PADI6: variants seen among roughly 807,000 people sequenced by gnomAD.
PADI6 encodes the protein peptidyl arginine deiminase 6, also known as inactive protein-arginine deiminase type-6.
Under a neutral mutation model 78.2 loss-of-function variants are expected in PADI6, and 66 were observed. The ratio of observed to expected loss-of-function variants is 0.84; its 90% confidence interval spans 0.69 to 1.04. The LOEUF (loss-of-function observed/expected upper bound fraction) is 1.04, where lower values mean the gene tolerates loss of function less well. Ranked by LOEUF, PADI6 falls within the 50% of genes least tolerant of loss-of-function variation. PADI6 has a pLI of 0.00. For synonymous variants in PADI6, 397 were observed against 346.9 expected (o/e 1.14, Z -1.60); for missense variants, 854 against 866.1 (o/e 0.99, Z 0.18).
chr1:17,394,380 G>A lies in PADI6; in HGVS notation c.1263G>A (p.Val421=), dbSNP rs777110271. 6.2e-7 allele frequency: 1 copy of A among 1,613,724 alleles called. No individual in the cohort carries two copies. The highest frequency in any genetic ancestry group is 8.5e-7 in the Non-Finnish European group (1 of 1,179,792). Residue 421 remains valine (V), a synonymous_variant, in exon 11 of 16, where the codon GTG becomes GTA. Transcript: ENST00000619609. The part of the protein sequence containing the change: ...ASMDSIGNLM[V]SPPVKVQGKE... ...TGGATTCCATTGGGAACCTGATGGTGTCCCCACCTGTCAAGGTCCAAGGGA... is the reference window on the plus strand; with the variant it reads ...TGGATTCCATTGGGAACCTGATGGTATCCCCACCTGTCAAGGTCCAAGGGA...
At chr1:17,388,980 T>C (rs2800688) in intron 8 of PADI6, 100 bp downstream of exon 8, 243,215 of 881,062 alleles carry the variant, frequency 0.28, 35,179 homozygotes, top group African/African-American at 0.37. Flanking sequence ...CTAGGACCTC[T>C]CACCAGGAGA....
intron 8 of PADI6, among the ~76,000 whole-genome samples, 174 bp from the exon 9 acceptor site, chr1:17,391,938 GCT>G (rs1279424518): frequency 6.6e-6 from 1 of 152,256 alleles, no homozygotes; most frequent in African/African-American, 2.4e-5. Context: ...GACAAGATGG[GCT>G]CTGAGCTTCT....
At chr1:17,401,142 G>A in intron 15 of PADI6, 63 bp from the exon 16 acceptor site, 1 of 1,495,378 alleles carries the variant, frequency 6.7e-7, no homozygotes, top group Non-Finnish European at 9.2e-7. Flanking sequence ...AGAGGCAGGT[G>A]GGCGGCTGGC....
intron 3 of PADI6, 105 bp from the exon 4 acceptor site, chr1:17,379,815 A>G (rs967080522): frequency 6.6e-6 from 6 of 904,364 alleles, no homozygotes; most frequent in Admixed American, 4.3e-5. Context: ...GAAAGGCTAG[A>G]TGCCCTGATG....
chr1:17,395,380 T>C (rs2075236359), intron 12 of PADI6, among the ~76,000 whole-genome samples, 160 bp from the exon 13 acceptor site: 1 of 152,052 alleles, frequency 6.6e-6, no homozygotes, highest in Non-Finnish European at 1.5e-5. Context: ...ATTTTTGTAT[T>C]TTTAGTAGAG....
At position 17,388,476 on chromosome 1, in the gene PADI6, G is replaced by A. The variant is rs74834315; in HGVS notation, c.775G>A (p.Val259Ile). Residue 259 changes from valine to isoleucine, a missense_variant, in exon 7 of 16, where the codon GTT becomes ATT. Transcript: ENST00000619609. ...LGNHLKETFY[V>I]EAIAFPSAEF... ...GAACCACTTGAAGGAGACTTTCTAC[G>A]TTGAAGCTATAGCATTCCCATCTGC... 7.2e-3 allele frequency: 11,552 copies of A among 1,613,562 alleles called. 469 individuals carry two copies. The Admixed American group carries it at 0.095, about 13-fold the overall frequency.
rs183813683 is a variant in PADI6, at chr1:17,388,333, G to A, written c.680-48G>A. 7.0e-5 allele frequency: 106 copies of A among 1,508,480 alleles called. No homozygotes were observed. In the African/African-American group the frequency reaches 1.1e-3, roughly 16 times the overall value. The allele number at this position is 1,508,480 out of a possible 1,614,324, so 93.4% of individuals were successfully genotyped here. A position where few individuals can be genotyped will look rare whatever the true frequency, so the allele number is the denominator to read the frequency against. On this transcript the variant is annotated intron_variant, in intron 6 of 15. Coordinates refer to ENST00000619609, the MANE Select transcript of PADI6 (RefSeq NM_207421.4). The stretch of plus-strand genomic sequence containing the variant: ...GGTACCTTGACCATCAAATGTGACC[G>A]GCACCAGGTTACTTCAGTGGCTGGT...
rs1327497975 is a variant in PADI6, at chr1:17,388,676, G to A, written c.859-101G>A. On this transcript the variant is annotated intron_variant, in intron 7 of 15. Coordinates refer to ENST00000619609, the MANE Select transcript of PADI6 (RefSeq NM_207421.4). ...GGGGGAGAGCTGCAGAAGGCAAGTG[G>A]GGCCCAGCTGGGGGCCGGACTGAAC... The A allele has an allele frequency of 2.7e-6, 4 of 1,454,880 alleles. No individual in the cohort carries two copies. In the East Asian group the frequency reaches 7.2e-5, roughly 26 times the overall value. The allele number at this position is 1,454,880 out of a possible 1,614,324, so 90.1% of individuals were successfully genotyped here. A position where few individuals can be genotyped will look rare whatever the true frequency, so the allele number is the denominator to read the frequency against.
chr1:17,379,082 C>CT (rs1458934518), intron 3 of PADI6, among the ~76,000 whole-genome samples: 1 of 148,856 alleles, frequency 6.7e-6, no homozygotes, highest in East Asian at 2.0e-4. Flanking sequence ...GAGGCTGGGA[C>CT]TACAGGTACC....
In PADI6 at chr1:17,392,847, G is replaced by A. The variant is rs181714207; in HGVS notation, c.1074+622G>A. On this transcript the variant is annotated intron_variant, in intron 9 of 15. Coordinates refer to ENST00000619609, the MANE Select transcript of PADI6 (RefSeq NM_207421.4). ...GGCCATGCAGAGATTTGGGGCAGGGGTGGCCAGGATTAAAAGGAGTTCCTG... is the reference window on the plus strand; with the variant it reads ...GGCCATGCAGAGATTTGGGGCAGGGATGGCCAGGATTAAAAGGAGTTCCTG... Among the ~76,000 whole-genome samples the A allele has an allele frequency of 6.9e-3, 1,050 of 152,260 alleles. 12 individuals carry two copies. Among genetic ancestry groups the A allele is most frequent in the African/African-American group, 0.024 (1,006 of 41,540 alleles).
intron 1 of PADI6, 23 bp downstream of exon 1, chr1:17,372,384 A>G (rs1315161999): frequency 2.5e-6 from 4 of 1,609,302 alleles, no homozygotes; most frequent in East Asian, 4.5e-5. Flanking sequence ...GAGCTCTGCC[A>G]GAGGTGGCAG....
intron 6 of PADI6, among the ~76,000 whole-genome samples, chr1:17,383,471 G>A (rs2100299743): frequency 6.6e-6 from 1 of 152,342 alleles, no homozygotes; most frequent in East Asian, 1.9e-4. Context: ...GGCAGGCCTT[G>A]GAGTCCGCCG....
intron 3 of PADI6, among the ~76,000 whole-genome samples, chr1:17,376,598 C>T (rs1305480371): frequency 6.6e-6 from 1 of 150,722 alleles, no homozygotes; most frequent in African/African-American, 2.4e-5. Flanking sequence ...CGGGATTTCA[C>T]TGTGTTGGCC....
intron 2 of PADI6, 80 bp downstream of exon 2, chr1:17,373,313 G>C: frequency 2.0e-6 from 3 of 1,502,060 alleles, no homozygotes; most frequent in Non-Finnish European, 2.7e-6. Flanking sequence ...CCTGGCTGCA[G>C]ACGTGACTCG....
intron 6 of PADI6, among the ~76,000 whole-genome samples, 154 bp from the exon 7 acceptor site, chr1:17,388,227 C>T (rs978565354): frequency 3.3e-5 from 5 of 152,226 alleles, no homozygotes; most frequent in African/African-American, 9.6e-5. Context: ...GACCTGAATG[C>T]TAGAAACGGG....
intron 3 of PADI6, among the ~76,000 whole-genome samples, chr1:17,376,466 ATTT>A (rs549451529): frequency 2.0e-5 from 3 of 151,030 alleles, no homozygotes; most frequent in Non-Finnish European, 4.4e-5. Context: ...TGCCCGGCTA[ATTT>A]TTTTTTATTT....
chr1:17,401,568 C>T lies in PADI6; in HGVS notation c.*130C>T. The T allele has an allele frequency of 2.4e-6, 2 of 845,128 alleles. No individual in the cohort carries two copies. The highest frequency in any genetic ancestry group is 3.6e-5 in the South Asian group (2 of 55,994). The allele number at this position is 845,128 out of a possible 1,614,324, so 52.4% of individuals were successfully genotyped here. ...AACAGAACCCTTTCTTCCCTGTCTG[C>T]CCCGACCGACCCTCGGACCCAGTAG... On this transcript the variant is annotated 3_prime_UTR_variant, in exon 16 of 16. Transcript: ENST00000619609.
rs2074980875 is a variant in PADI6 at position 17,373,216 on chromosome 1, T to C, written c.277T>C (p.Ser93Pro). Residue 93 changes from serine to proline, a missense_variant, in exon 2 of 16, where the codon TCC becomes CCC. Physicochemically the swap from Ser to Pro is moderately conservative, Grantham distance 74 (BLOSUM62 -1). Coordinates refer to ENST00000619609, the MANE Select transcript of PADI6 (RefSeq NM_207421.4). ...AGTGAAGATGACATCGCCCAGCCCT[T>C]CCGTGGATGCGGATAAGGTAAGCCT... is the stretch of plus-strand genomic sequence containing the variant. ...ATVKMTSPSP[S>P]VDADKVSVTY... 11 of 1,613,824 alleles carry C rather than the reference T, an allele frequency of 6.8e-6. No individual in the cohort carries two copies. The highest frequency in any genetic ancestry group is 9.3e-6 in the Non-Finnish European group (11 of 1,179,852).
chr1:17,389,286 G>C (rs761363608), intron 8 of PADI6, among the ~76,000 whole-genome samples: 10 of 152,134 alleles, frequency 6.6e-5, no homozygotes, highest in Non-Finnish European at 1.3e-4. Flanking sequence ...GTGGGCCCTG[G>C]GTGTTACGGT....
Sources: gnomAD v4.1 joint callset for allele counts (sites outside exome capture counted in the v4.1 genomes callset) on GRCh38, gnomAD v4.1.1 for gene constraint, MANE v1.5 for transcripts, NCBI Gene and HGNC (gene_info 2026-07-23, HGNC 2026-07-21) for gene names.